Variants in LHFPL3 observed in about 807,000 individuals in gnomAD.
The protein encoded by LHFPL3 is LHFPL tetraspan subfamily member 3 protein.
In LHFPL3, 5 loss-of-function variants were observed where a neutral mutation model predicts 19.3. That is an observed-to-expected ratio of 0.26 (90% CI 0.14 to 0.54). The LOEUF is 0.54. LHFPL3 is among the 20% of genes least tolerant of loss of function. The probability of loss-of-function intolerance (pLI) is 0.94; values close to 1 mark genes in which losing one functional copy is unlikely to be tolerated. For synonymous variants in LHFPL3, 133 were observed against 126.2 expected (o/e 1.05, Z -0.36); for missense variants, 249 against 307.4 (o/e 0.81, Z 1.42).
rs71155514 is a variant in LHFPL3, at chr7:104,666,512, C to CTTTTTTTTTTTTTTTTTTTT, written c.446-70155_446-70136dup. ...TTGCTGAAAATGACAGGATTTCATT[C>CTTTTTTTTTTTTTTTTTTTT]TTTTTTTTTTTTTTTTTTTTTTTTT... On this transcript the variant is annotated intron_variant, in intron 1 of 2. Coordinates refer to ENST00000424859, the MANE Select transcript of LHFPL3 (RefSeq NM_199000.3). Among the ~76,000 whole-genome samples, 108 of 42,236 alleles carry CTTTTTTTTTTTTTTTTTTTT rather than the reference C, an allele frequency of 2.6e-3. 37 individuals are homozygous for CTTTTTTTTTTTTTTTTTTTT. Among genetic ancestry groups the CTTTTTTTTTTTTTTTTTTTT allele is most frequent in the Non-Finnish European group, 3.9e-3 (87 of 22,202 alleles). 27.7% of individuals were successfully genotyped at this position (42,236 alleles called of 152,430 possible). A position where few individuals can be genotyped will look rare whatever the true frequency, so the allele number is the denominator to read the frequency against.
chr7:104,415,463 T>G (rs931131704), intron 1 of LHFPL3, among the ~76,000 whole-genome samples: 4 of 152,236 alleles, frequency 2.6e-5, no homozygotes, highest in African/African-American at 9.6e-5. Flanking sequence ...GGGTCACTGT[T>G]TCTTTCCTTC....
At chr7:104,767,462 ATC>A (rs1296421652) in intron 2 of LHFPL3, among the ~76,000 whole-genome samples, 2 of 152,246 alleles carry the variant, frequency 1.3e-5, no homozygotes, top group African/African-American at 4.8e-5. Flanking sequence ...GGCAATCTGC[ATC>A]TCTCTGACTG....
chr7:104,494,879 C>A (rs1038438424), intron 1 of LHFPL3, among the ~76,000 whole-genome samples: 2 of 152,100 alleles, frequency 1.3e-5, no homozygotes, highest in Admixed American at 1.3e-4. Context: ...AGCTGGGGTA[C>A]AAATACTAGA....
At chr7:104,472,622 A>G (rs1026343339) in intron 1 of LHFPL3, among the ~76,000 whole-genome samples, 1 of 152,144 alleles carries the variant, frequency 6.6e-6, no homozygotes, top group Non-Finnish European at 1.5e-5. Context: ...TAATTAATCA[A>G]AATGTTATCC....
chr7:104,422,269 G>T (rs1474285324), intron 1 of LHFPL3, among the ~76,000 whole-genome samples: 1 of 152,166 alleles, frequency 6.6e-6, no homozygotes, highest in East Asian at 1.9e-4. Context: ...GCTGAGGCAG[G>T]AGAATCACTT....
chr7:104,759,068 A>C (rs537570506), intron 2 of LHFPL3, among the ~76,000 whole-genome samples: 1 of 152,336 alleles, frequency 6.6e-6, no homozygotes, highest in Non-Finnish European at 1.5e-5. Context: ...GAGGACAAAT[A>C]GACATCTGAG....
intron 1 of LHFPL3, among the ~76,000 whole-genome samples, chr7:104,733,083 A>G (rs567836101): frequency 2.6e-4 from 40 of 152,258 alleles, no homozygotes; most frequent in African/African-American, 8.9e-4. Context: ...ACTGTGTTCT[A>G]AGAGACAGTT....
chr7:104,570,735 T>C (rs4730021), intron 1 of LHFPL3, among the ~76,000 whole-genome samples: 12,015 of 152,148 alleles, frequency 0.079, 728 homozygotes, highest in East Asian at 0.28. Context: ...GTTTGTTACG[T>C]AGGTAAACTC....
rs555510105 is a variant in LHFPL3, at chr7:104,411,923, CA to C, written c.445+82703del. On this transcript the variant is annotated intron_variant, in intron 1 of 2. Coordinates refer to ENST00000424859, the MANE Select transcript of LHFPL3 (RefSeq NM_199000.3). The stretch of plus-strand genomic sequence containing the variant: ...TTAAAATGTTTTTAAAAATCTGATT[CA>C]AAAGGTAGGACTAAAGTTTTCCTTG... Among the ~76,000 whole-genome samples, 342 of 152,232 alleles carry C rather than the reference CA, an allele frequency of 2.2e-3. 2 individuals carry two copies. The highest frequency in any genetic ancestry group is 7.8e-3 in the African/African-American group (326 of 41,538).
At chr7:104,790,965 C>T (rs1024843645) in intron 2 of LHFPL3, among the ~76,000 whole-genome samples, 1 of 152,160 alleles carries the variant, frequency 6.6e-6, no homozygotes, top group Non-Finnish European at 1.5e-5. Flanking sequence ...CATGGTTGAC[C>T]TAAATGAAAA....
chr7:104,602,020 C>CTTTTTTTTT lies in LHFPL3; in HGVS notation c.446-134643_446-134635dup, dbSNP rs57501560. Among the ~76,000 whole-genome samples the CTTTTTTTTT allele has an allele frequency of 1.4e-3, 128 of 91,450 alleles. 3 individuals carry two copies. The highest frequency in any genetic ancestry group is 2.2e-3 in the South Asian group (5 of 2,266). 60.0% of individuals were successfully genotyped at this position (91,450 alleles called of 152,430 possible). On this transcript the variant is annotated intron_variant, in intron 1 of 2. Transcript: ENST00000424859. The stretch of plus-strand genomic sequence containing the variant: ...TAGCAATTTATTTTCTTTTTCTTTT[C>CTTTTTTTTT]TTTTTTTTTTTTTTTTTTTTCTGAC...
chr7:104,401,595 A>C (rs1791312937), intron 1 of LHFPL3, among the ~76,000 whole-genome samples: 1 of 152,216 alleles, frequency 6.6e-6, no homozygotes, highest in South Asian at 2.1e-4. Context: ...AATTTTATTT[A>C]AGGAACAAAA....
intron 1 of LHFPL3, among the ~76,000 whole-genome samples, chr7:104,454,072 A>G (rs1454592296): frequency 6.6e-6 from 1 of 152,226 alleles, no homozygotes; most frequent in Non-Finnish European, 1.5e-5. Context: ...GCTCAGGGGA[A>G]TGTTAAGGCT....
chr7:104,857,071 G>T lies in LHFPL3; in HGVS notation c.683-49116G>T, dbSNP rs574145751. On this transcript the variant is annotated intron_variant, in intron 2 of 2. Transcript: ENST00000424859. ...CTATATTATCTCATTTCACCCGCGT[G>T]ATAACTTATGAAGTAGGTACAGGCA... is the stretch of plus-strand genomic sequence containing the variant. 1.6e-4 allele frequency among the ~76,000 whole-genome samples: 24 copies of T among 152,284 alleles called. No individual in the cohort carries two copies. The South Asian group carries it at 4.1e-3, about 26-fold the overall frequency.
chr7:104,419,804 A>G lies in LHFPL3; in HGVS notation c.445+90580A>G, dbSNP rs528992359. On this transcript the variant is annotated intron_variant, in intron 1 of 2. Coordinates refer to ENST00000424859, the MANE Select transcript of LHFPL3 (RefSeq NM_199000.3). ...AGATGGAGGCTGGAAGCTCAGGAAC[A>G]TCACACTGAAGGGGCAGGACAGATA... Among the ~76,000 whole-genome samples, 9 of 152,358 alleles carry G rather than the reference A, an allele frequency of 5.9e-5. No homozygotes were observed. In the East Asian group the frequency reaches 1.5e-3, roughly 26 times the overall value.
intron 1 of LHFPL3, among the ~76,000 whole-genome samples, chr7:104,416,859 C>T (rs1366737862): frequency 6.6e-6 from 1 of 152,156 alleles, no homozygotes; most frequent in Non-Finnish European, 1.5e-5. Context: ...TGCATATGGG[C>T]CTTCTTGCTG....
intron 2 of LHFPL3, among the ~76,000 whole-genome samples, chr7:104,792,740 C>A (rs1790049202): frequency 1.3e-5 from 2 of 152,130 alleles, no homozygotes; most frequent in Non-Finnish European, 2.9e-5. Flanking sequence ...AGCTGGTAAA[C>A]TCAATTCTGC....
intron 2 of LHFPL3, among the ~76,000 whole-genome samples, chr7:104,865,739 T>G (rs62485396): frequency 0.23 from 34,918 of 151,810 alleles, 4,309 homozygotes; most frequent in South Asian, 0.39. Context: ...ACAAAGATAC[T>G]CCTCGAGAAG....
At chr7:104,497,604 C>T (rs1212247028) in intron 1 of LHFPL3, among the ~76,000 whole-genome samples, 1 of 148,582 alleles carries the variant, frequency 6.7e-6, no homozygotes, top group Non-Finnish European at 1.5e-5. Flanking sequence ...TACCATCCTA[C>T]AGAATCCCTG....
Sources: gnomAD v4.1 joint callset for allele counts (sites outside exome capture counted in the v4.1 genomes callset) on GRCh38, gnomAD v4.1.1 for gene constraint, MANE v1.5 for transcripts, NCBI Gene and HGNC (gene_info 2026-07-23, HGNC 2026-07-21) for gene names.